The following EXTL3 variants were observed in gnomAD, a reference collection of about 807,000 sequenced individuals.
EXTL3 encodes exostosin-like 3.
EXTL3 carries 27 observed loss-of-function variants against 69.3 expected under a neutral mutation model. That is an observed-to-expected ratio of 0.39 (90% CI 0.29 to 0.54). EXTL3 has a LOEUF of 0.54. Among genes scored for constraint, EXTL3 ranks in the 20% least tolerant of loss-of-function variants. The pLI is 0.69. For missense variants in EXTL3, 1,003 were observed against 1,231.8 expected, an observed-to-expected ratio of 0.81 and a Z score of 2.78; for synonymous variants, 511 against 499.4, an observed-to-expected ratio of 1.02 and a Z score of -0.31.
intron 1 of EXTL3, among the ~76,000 whole-genome samples, chr8:28,649,925 G>C (rs183478242): frequency 6.6e-6 from 1 of 151,892 alleles, no homozygotes; most frequent in Admixed American, 6.6e-5. Flanking sequence ...GCCCGGGCAC[G>C]GTGGGTCACA....
chr8:28,665,607 T>G (rs1441161942), intron 1 of EXTL3, among the ~76,000 whole-genome samples: 1 of 151,794 alleles, frequency 6.6e-6, no homozygotes, highest in Non-Finnish European at 1.5e-5. Flanking sequence ...AGATGCGGTC[T>G]CACCATGTTG....
At chr8:28,630,583 A>C (rs1417820917) in intron 1 of EXTL3, among the ~76,000 whole-genome samples, 1 of 152,242 alleles carries the variant, frequency 6.6e-6, no homozygotes, top group Non-Finnish European at 1.5e-5. Context: ...ACCTACCAGA[A>C]TGTTACGTTT....
chr8:28,699,647 T>C (rs565823357), upstream of EXTL3: 1 of 152,606 alleles, frequency 6.6e-6, no homozygotes, highest in Non-Finnish European at 1.5e-5. Flanking sequence ...TAGCTGGGAT[T>C]ATAGGCACGC....
At chr8:28,628,568 A>G (rs1806528566) in intron 1 of EXTL3, among the ~76,000 whole-genome samples, 3 of 152,114 alleles carry the variant, frequency 2.0e-5, no homozygotes. Flanking sequence ...TTTTATGTTC[A>G]ATCTATTTTA....
chr8:28,658,212 T>A (rs1445343210), intron 1 of EXTL3, among the ~76,000 whole-genome samples: 1 of 147,864 alleles, frequency 6.8e-6, no homozygotes, highest in East Asian at 2.0e-4. Context: ...GTGGGGGGGG[T>A]CCCTCAGAAA....
intron 1 of EXTL3, among the ~76,000 whole-genome samples, chr8:28,652,361 T>TA (rs200276245): frequency 4.6e-4 from 70 of 151,418 alleles, no homozygotes; most frequent in African/African-American, 7.8e-4. Flanking sequence ...TATTTTCCTT[T>TA]AAAAAAAAAT....
rs1022212848 is a variant in EXTL3 at position 28,701,523 on chromosome 8, G to C, written c.-706G>C. On this transcript the variant is annotated 5_prime_UTR_variant, in exon 1 of 7. Coordinates refer to ENST00000220562, the MANE Select transcript of EXTL3 (RefSeq NM_001440.4). Reference sequence around the variant, plus strand: ...GTTCCGCAGTCGCCTGTCGGAAATGGCTGCCGGCCGGCAGGGGGAGCGGCG... The same window carrying C: ...GTTCCGCAGTCGCCTGTCGGAAATGCCTGCCGGCCGGCAGGGGGAGCGGCG... 2 of 152,622 alleles carry C rather than the reference G, an allele frequency of 1.3e-5. No homozygotes were observed. Among genetic ancestry groups the C allele is most frequent in the Admixed American group, 1.3e-4 (2 of 15,236 alleles). 9.5% of individuals were successfully genotyped at this position (152,622 alleles called of 1,614,324 possible).
intron 1 of EXTL3, among the ~76,000 whole-genome samples, chr8:28,675,473 C>T (rs180968086): frequency 2.9e-3 from 435 of 152,198 alleles, no homozygotes; most frequent in South Asian, 5.0e-3. Flanking sequence ...CACTGCAGCA[C>T]GCTCGGTCCT....
Position 28,717,671 on chromosome 8 carries a change from A to G in EXTL3, c.1612A>G (p.Ile538Val). The G allele has an allele frequency of 6.2e-7, 1 of 1,614,210 alleles. No homozygotes were observed. Among genetic ancestry groups the G allele is most frequent in the South Asian group, 1.1e-5 (1 of 91,086 alleles). ...NTVLAMIRTR[I>V]QIPAAPIREE... ...CGTGCTGGCTATGATTAGGACTCGC[A>G]TCCAGATCCCAGCCGCTCCCATCCG... is the stretch of plus-strand genomic sequence containing the variant. Residue 538 changes from isoleucine to valine, a missense_variant, in exon 3 of 7, where the codon ATC becomes GTC. Ile to Val is a conservative substitution (Grantham distance 29). Transcript: ENST00000220562. The surrounding 1 kb of genome is among the most constrained non-coding windows in gnomAD (Gnocchi z 8.3).
At chr8:28,683,073 T>C (rs1807519044) in intron 1 of EXTL3, among the ~76,000 whole-genome samples, 1 of 152,218 alleles carries the variant, frequency 6.6e-6, no homozygotes, top group Admixed American at 6.5e-5. Context: ...TGACTATAAA[T>C]GTGTGGATTT....
intron 1 of EXTL3, among the ~76,000 whole-genome samples, chr8:28,666,703 G>A (rs1807202757): frequency 6.6e-6 from 1 of 152,180 alleles, no homozygotes; most frequent in African/African-American, 2.4e-5. Flanking sequence ...AGCCTCCCCA[G>A]TAGCTGGGAT....
At chr8:28,698,790 T>C (rs1800725017), upstream of EXTL3, among the ~76,000 whole-genome samples, 1 of 152,178 alleles carries the variant, frequency 6.6e-6, no homozygotes, top group African/African-American at 2.4e-5. Context: ...GGTCAGGAGT[T>C]TGAGACCAGC....
At position 28,742,730 on chromosome 8, in the gene EXTL3, T is replaced by C. The variant is rs561317595; in HGVS notation, c.2422-356T>C. The C allele has an allele frequency of 2.4e-5, 8 of 327,574 alleles. No individual in the cohort carries two copies. The East Asian group carries it at 4.8e-4, about 20-fold the overall frequency. The allele number at this position is 327,574 out of a possible 1,614,324, so 20.3% of individuals were successfully genotyped here. On this transcript the variant is annotated intron_variant, in intron 5 of 6. Coordinates refer to ENST00000220562, the MANE Select transcript of EXTL3 (RefSeq NM_001440.4). ...TAACCAGGCTTTTTTCTCTCACTTA[T>C]CTTTTTTTTTTTTTTTGGCCATTGT...
intron 1 of EXTL3, among the ~76,000 whole-genome samples, chr8:28,703,157 G>T (rs998916740): frequency 1.2e-4 from 18 of 152,318 alleles, no homozygotes; most frequent in Middle Eastern, 3.4e-3. Context: ...AGAGAGAATC[G>T]AGCCTAAGTG....
intron 1 of EXTL3, among the ~76,000 whole-genome samples, chr8:28,655,467 T>C (rs1291489119): frequency 6.6e-6 from 1 of 151,348 alleles, no homozygotes; most frequent in Admixed American, 6.6e-5. Flanking sequence ...TTCTTTAATA[T>C]ACCTTGAGAA....
chr8:28,617,557 G>A (rs1253391748), intron 2 of EXTL3, among the ~76,000 whole-genome samples: 5 of 152,154 alleles, frequency 3.3e-5, no homozygotes, highest in Admixed American at 2.6e-4. Flanking sequence ...AAGGTGGGTG[G>A]ATTGCTGGTG....
intron 1 of EXTL3, among the ~76,000 whole-genome samples, chr8:28,688,060 C>CTTT (rs149041444): frequency 4.5e-5 from 6 of 131,944 alleles, no homozygotes; most frequent in African/African-American, 1.7e-4. Flanking sequence ...GAAGAGATGA[C>CTTT]TTTTTTTTTT....
chr8:28,642,110 C>G (rs965985473), intron 1 of EXTL3, among the ~76,000 whole-genome samples: 5 of 152,154 alleles, frequency 3.3e-5, no homozygotes, highest in Non-Finnish European at 7.3e-5. Context: ...GCTGGGATTA[C>G]AGGCGTGAGC....
At chr8:28,727,609 C>A (rs1392732276) in intron 3 of EXTL3, among the ~76,000 whole-genome samples, 1 of 152,148 alleles carries the variant, frequency 6.6e-6, no homozygotes, top group Non-Finnish European at 1.5e-5. Flanking sequence ...TGATAAGTAA[C>A]TTCAGATTTT....
Sources: allele counts gnomAD v4.1 joint callset (sites outside exome capture counted in the v4.1 genomes callset), GRCh38; gene constraint gnomAD v4.1.1; non-coding constraint Gnocchi (gnomAD v3.1); transcripts MANE v1.5; gene names NCBI Gene and HGNC (gene_info 2026-07-23, HGNC 2026-07-21).